COG5: variants seen among roughly 807,000 people sequenced by gnomAD.
The protein encoded by COG5 is component of oligomeric golgi complex 5.
In COG5, 86 loss-of-function variants were observed where a neutral mutation model predicts 110.4. The observed-to-expected ratio is 0.78, with a 90% confidence interval of 0.65 to 0.93. COG5 has a LOEUF of 0.93. COG5 is among the 40% of genes least tolerant of loss of function. The pLI, the probability that COG5 is intolerant of heterozygous loss-of-function variation, is 0.00. For synonymous variants in COG5, 360 were observed against 334.6 expected (o/e 1.08, Z -0.83); for missense variants, 1,077 against 987.0 (o/e 1.09, Z -1.22).
At chr7:107,288,758 T>G (rs1805861950) in intron 12 of COG5, among the ~76,000 whole-genome samples, 1 of 151,724 alleles carries the variant, frequency 6.6e-6, no homozygotes, top group African/African-American at 2.4e-5. Context: ...GGTAATCCTT[T>G]GAAGCAGCAA....
At chr7:107,358,062 A>G (rs1812782406) in intron 10 of COG5, among the ~76,000 whole-genome samples, 1 of 152,086 alleles carries the variant, frequency 6.6e-6, no homozygotes, top group African/African-American at 2.4e-5. Flanking sequence ...GTTTTTATGT[A>G]GAAACTCTAC....
chr7:107,534,708 A>C (rs570905219), intron 5 of COG5, among the ~76,000 whole-genome samples: 10 of 151,626 alleles, frequency 6.6e-5, no homozygotes, highest in African/African-American at 2.4e-4. Context: ...AGACTCCCAG[A>C]CAGTAACAGT....
At chr7:107,487,729 A>C (rs1797731965) in intron 6 of COG5, among the ~76,000 whole-genome samples, 1 of 152,164 alleles carries the variant, frequency 6.6e-6, no homozygotes, top group Admixed American at 6.6e-5. Context: ...CCAGTAAAAA[A>C]AAAAAGTATG....
Position 107,525,177 on chromosome 7 carries a change from C to A in COG5, c.538+2060G>T, listed in dbSNP as rs372359799. 9.2e-3 allele frequency among the ~76,000 whole-genome samples: 1,394 copies of A among 152,028 alleles called. 30 individuals are homozygous for A. Among genetic ancestry groups the A allele is most frequent in the African/African-American group, 0.031 (1,281 of 41,496 alleles). On this transcript the variant is annotated intron_variant, in intron 6 of 21. Transcript: ENST00000297135. ...TCTTGACCTCATGATCCGCCCGCCT[C>A]AGCCTCCCAAAGTGCTGGGATTACA...
intron 6 of COG5, among the ~76,000 whole-genome samples, chr7:107,414,390 T>TC (rs1208068617): frequency 6.6e-6 from 1 of 152,138 alleles, no homozygotes; most frequent in African/African-American, 2.4e-5. Flanking sequence ...ATTTATCATC[T>TC]CCTTAGGAGA....
At chr7:107,321,200 G>GA (rs747585621) in intron 11 of COG5, among the ~76,000 whole-genome samples, 12 of 151,748 alleles carry the variant, frequency 7.9e-5, no homozygotes, top group Non-Finnish European at 1.8e-4. Context: ...AAAGTAAAAT[G>GA]AAAAAATAAC....
intron 18 of COG5, among the ~76,000 whole-genome samples, chr7:107,234,249 T>C (rs1017855810): frequency 6.6e-6 from 1 of 152,228 alleles, no homozygotes; most frequent in Non-Finnish European, 1.5e-5. Flanking sequence ...GCTTCTTCTA[T>C]GTTTAAAAAA....
At chr7:107,207,239 C>G (rs1434064432) in intron 21 of COG5, among the ~76,000 whole-genome samples, 1 of 152,244 alleles carries the variant, frequency 6.6e-6, no homozygotes, top group African/African-American at 2.4e-5. Context: ...TTCAGACACT[C>G]CATTCACAGA....
chr7:107,301,926 T>C (rs1296236503), intron 11 of COG5, among the ~76,000 whole-genome samples: 1 of 152,166 alleles, frequency 6.6e-6, no homozygotes, highest in South Asian at 2.1e-4. Context: ...AACTCTTGTA[T>C]AGCTTGTGGA....
At chr7:107,525,616 A>C (rs1800673135) in intron 6 of COG5, among the ~76,000 whole-genome samples, 1 of 151,950 alleles carries the variant, frequency 6.6e-6, no homozygotes. Context: ...ACAGTGGTGC[A>C]ATAACAGCTC....
chr7:107,332,874 G>A (rs762245191), intron 10 of COG5, among the ~76,000 whole-genome samples: 1 of 152,142 alleles, frequency 6.6e-6, no homozygotes, highest in South Asian at 2.1e-4. Flanking sequence ...AGTTGATACC[G>A]GAGAAAACCA....
chr7:107,528,960 C>T (rs906743572), intron 5 of COG5, among the ~76,000 whole-genome samples: 1 of 139,548 alleles, frequency 7.2e-6, no homozygotes, highest in African/African-American at 2.8e-5. Context: ...TAAGTCAAAG[C>T]CAATCAAGTA....
chr7:107,302,734 C>T (rs557844437), intron 11 of COG5, among the ~76,000 whole-genome samples: 1 of 152,264 alleles, frequency 6.6e-6, no homozygotes, highest in South Asian at 2.1e-4. Context: ...CATCATCCTG[C>T]AGACAGATAG....
intron 7 of COG5, among the ~76,000 whole-genome samples, chr7:107,404,885 GAAAAAAAA>G (rs59988899): frequency 3.1e-5 from 1 of 32,404 alleles, no homozygotes; most frequent in Admixed American, 3.9e-4. Flanking sequence ...TTCAGAAGAT[GAAAAAAAA>G]AAAAAAAAAA....
At chr7:107,273,360 C>T (rs1804437880) in intron 14 of COG5, among the ~76,000 whole-genome samples, 1 of 152,088 alleles carries the variant, frequency 6.6e-6, no homozygotes, top group South Asian at 2.1e-4. Context: ...TCTGAGTAAA[C>T]CACAGCCTAA....
At chr7:107,475,582 T>C (rs1796925193) in intron 6 of COG5, 1 of 397,708 alleles carries the variant, frequency 2.5e-6, no homozygotes, top group Non-Finnish European at 4.7e-6. Flanking sequence ...CATGTGTATA[T>C]TTTGTCAATA....
At chr7:107,303,058 T>C (rs1203661266) in intron 11 of COG5, among the ~76,000 whole-genome samples, 1 of 152,158 alleles carries the variant, frequency 6.6e-6, no homozygotes, top group Non-Finnish European at 1.5e-5. Flanking sequence ...ATAGCAGAAG[T>C]AAATATTTCT....
At chr7:107,244,022 G>A (rs1381841841) in intron 17 of COG5, among the ~76,000 whole-genome samples, 1 of 152,158 alleles carries the variant, frequency 6.6e-6, no homozygotes, top group African/African-American at 2.4e-5. Flanking sequence ...TGAGGCAGCT[G>A]GATCCCTTGA....
At chr7:107,527,090 A>G (rs1800817139) in intron 6 of COG5, 147 bp downstream of exon 6, 1 of 608,696 alleles carries the variant, frequency 1.6e-6, no homozygotes, top group Non-Finnish European at 2.8e-6. Context: ...TCATTCTGAG[A>G]AGTGTTACAA....
Sources: allele counts gnomAD v4.1 joint callset (sites outside exome capture counted in the v4.1 genomes callset), GRCh38; gene constraint gnomAD v4.1.1; transcripts MANE v1.5; gene names NCBI Gene and HGNC (gene_info 2026-07-23, HGNC 2026-07-21).